Variants in AGBL1 observed in about 807,000 individuals in gnomAD.
The protein encoded by AGBL1 is AGBL carboxypeptidase 1, also known as cytosolic carboxypeptidase 4.
In AGBL1, 130 loss-of-function variants were observed where a neutral mutation model predicts 118.9. The observed-to-expected ratio is 1.09, with a 90% CI of 0.95 to 1.26. AGBL1 has a LOEUF of 1.26. Ranked by LOEUF, AGBL1 falls within the 50% of genes most tolerant of loss-of-function variation. The pLI is 0.00. For missense variants in AGBL1, 1,584 were observed against 1,298.1 expected (o/e 1.22, Z -3.38); for synonymous variants, 555 against 478.9 (o/e 1.16, Z -2.08).
intron 17 of AGBL1, among the ~76,000 whole-genome samples, chr15:86,347,935 TTTC>T (rs1418278719): frequency 8.5e-5 from 13 of 152,372 alleles, no homozygotes; most frequent in Middle Eastern, 6.8e-3. Context: ...TCCTTTTACA[TTTC>T]TTCTTCTTTT....
chr15:86,513,352 G>A (rs1596209251), intron 18 of AGBL1, among the ~76,000 whole-genome samples: 1 of 151,828 alleles, frequency 6.6e-6, no homozygotes, highest in Non-Finnish European at 1.5e-5. Flanking sequence ...TAGTGGCTTT[G>A]TATTTCTGGC....
intron 18 of AGBL1, among the ~76,000 whole-genome samples, chr15:86,402,081 G>A: frequency 6.6e-6 from 1 of 152,020 alleles, no homozygotes; most frequent in Non-Finnish European, 1.5e-5. Flanking sequence ...CTGTCCATGA[G>A]CATGGGATGT....
chr15:86,989,801 G>A (rs1004338780), intron 24 of AGBL1, among the ~76,000 whole-genome samples: 2 of 152,172 alleles, frequency 1.3e-5, no homozygotes, highest in East Asian at 1.9e-4. Flanking sequence ...ATTTAGGCAG[G>A]GATCAGAAGG....
chr15:86,187,285 C>T (rs1178171453), intron 5 of AGBL1, among the ~76,000 whole-genome samples: 1 of 152,114 alleles, frequency 6.6e-6, no homozygotes, highest in Non-Finnish European at 1.5e-5. Flanking sequence ...CTTCCTTTTT[C>T]AAATGAATTC....
At chr15:87,027,967 G>T (rs1281014231) in intron 24 of AGBL1, among the ~76,000 whole-genome samples, 1 of 151,640 alleles carries the variant, frequency 6.6e-6, no homozygotes, top group Non-Finnish European at 1.5e-5. Flanking sequence ...GATGATCTGT[G>T]CAGCAAACCA....
chr15:86,179,864 T>C (rs1267808588), intron 5 of AGBL1, among the ~76,000 whole-genome samples: 3 of 152,022 alleles, frequency 2.0e-5, no homozygotes, highest in Non-Finnish European at 4.4e-5. Flanking sequence ...GGATGCAAGA[T>C]CAACATACAA....
At chr15:86,733,573 C>T (rs955125480) in intron 22 of AGBL1, among the ~76,000 whole-genome samples, 2 of 152,160 alleles carry the variant, frequency 1.3e-5, no homozygotes. Context: ...ATAATATAAG[C>T]ATTAACTACT....
At chr15:86,747,871 T>C (rs532792769) in intron 22 of AGBL1, among the ~76,000 whole-genome samples, 2 of 152,334 alleles carry the variant, frequency 1.3e-5, no homozygotes, top group South Asian at 2.1e-4. Flanking sequence ...CTTAATCCAG[T>C]CTATCGTTGA....
intron 22 of AGBL1, among the ~76,000 whole-genome samples, chr15:86,857,979 C>A (rs568365972): frequency 6.6e-6 from 1 of 152,150 alleles, no homozygotes; most frequent in Non-Finnish European, 1.5e-5. Context: ...TTTTATGAGC[C>A]CTTACCAGAA....
intron 21 of AGBL1, among the ~76,000 whole-genome samples, chr15:86,565,116 C>T (rs1168989731): frequency 6.6e-6 from 1 of 152,192 alleles, no homozygotes; most frequent in African/African-American, 2.4e-5. Context: ...CGTCTGAAGC[C>T]TTCTTCTCTC....
chr15:86,785,409 C>G (rs189700313), intron 22 of AGBL1, among the ~76,000 whole-genome samples: 1 of 131,828 alleles, frequency 7.6e-6, no homozygotes, highest in African/African-American at 2.8e-5. Context: ...GAGTGTTGCT[C>G]TGTCACCCAG....
chr15:86,543,593 G>T (rs2083534584), intron 19 of AGBL1, among the ~76,000 whole-genome samples: 1 of 152,104 alleles, frequency 6.6e-6, no homozygotes. Context: ...AGGCAATATT[G>T]TTCAATGCCC....
intron 23 of AGBL1, among the ~76,000 whole-genome samples, chr15:86,926,946 C>G (rs565049767): frequency 2.6e-4 from 39 of 151,998 alleles, no homozygotes; most frequent in Non-Finnish European, 5.4e-4. Context: ...CGAGACTAAT[C>G]TGGCCAACAT....
intron 19 of AGBL1, among the ~76,000 whole-genome samples, chr15:86,523,408 G>A (rs1437188443): frequency 4.7e-5 from 7 of 150,246 alleles, no homozygotes; most frequent in African/African-American, 1.8e-4. Context: ...ATTAAGTATG[G>A]CCTCATCATA....
chr15:86,968,772 A>G (rs2081078813), intron 23 of AGBL1, among the ~76,000 whole-genome samples: 1 of 151,870 alleles, frequency 6.6e-6, no homozygotes, highest in Non-Finnish European at 1.5e-5. Context: ...TTTATTGCTC[A>G]CAGTTCTAGA....
intron 22 of AGBL1, among the ~76,000 whole-genome samples, chr15:86,723,558 T>C (rs575423049): frequency 3.9e-5 from 6 of 152,044 alleles, no homozygotes; most frequent in African/African-American, 1.4e-4. Flanking sequence ...TAATATTAAA[T>C]GACGAGTTAA....
intron 23 of AGBL1, among the ~76,000 whole-genome samples, chr15:86,966,475 C>G (rs184200147): frequency 2.0e-4 from 30 of 152,118 alleles, no homozygotes; most frequent in African/African-American, 6.5e-4. Flanking sequence ...TCCCTCCCTG[C>G]TCCCACCACC....
chr15:86,147,825 T>C (rs898801966), intron 3 of AGBL1, among the ~76,000 whole-genome samples: 1 of 152,160 alleles, frequency 6.6e-6, no homozygotes, highest in Middle Eastern at 3.2e-3. Flanking sequence ...CTGACCCCCA[T>C]GTAGCCTAAC....
chr15:86,524,568 C>T (rs1306307029), intron 19 of AGBL1, among the ~76,000 whole-genome samples: 2 of 152,118 alleles, frequency 1.3e-5, no homozygotes, highest in African/African-American at 4.8e-5. Context: ...ATGTAGCCAT[C>T]AAATATCCTA....
Sources: gnomAD v4.1 joint callset for allele counts (sites outside exome capture counted in the v4.1 genomes callset) on GRCh38, gnomAD v4.1.1 for gene constraint, MANE v1.5 for transcripts, NCBI Gene and HGNC (gene_info 2026-07-23, HGNC 2026-07-21) for gene names.